The following PRKDC variants were observed in gnomAD, a reference collection of about 807,000 sequenced individuals.
PRKDC encodes DNA-dependent protein kinase catalytic subunit.
Under a neutral mutation model 486.9 loss-of-function variants are expected in PRKDC, and 82 were observed. That is an observed-to-expected ratio of 0.17 (90% confidence interval 0.14 to 0.20). The LOEUF (loss-of-function observed/expected upper bound fraction) is 0.20, where lower values mean the gene tolerates loss of function less well. Among genes scored for constraint, PRKDC ranks in the 10% least tolerant of loss-of-function variants. PRKDC has a pLI of 1.00. For missense variants in PRKDC, 4,504 were observed against 5,038.2 expected, an observed-to-expected ratio of 0.89 and a Z score of 3.21; for synonymous variants, 1,895 against 1,837.0, an observed-to-expected ratio of 1.03 and a Z score of -0.81.
At chr8:47,878,501 C>T (rs549889440) in intron 39 of PRKDC, among the ~76,000 whole-genome samples, 1 of 152,220 alleles carries the variant, frequency 6.6e-6, no homozygotes, top group East Asian at 1.9e-4. Context: ...CCTCCTTCAC[C>T]ATGCCAGGGA....
chr8:47,825,930 C>G (rs908715673), intron 63 of PRKDC, among the ~76,000 whole-genome samples: 1 of 152,198 alleles, frequency 6.6e-6, no homozygotes, highest in Non-Finnish European at 1.5e-5. Context: ...TGATCAATGT[C>G]TAATCCAATT....
intron 21 of PRKDC, 41 bp downstream of exon 21, chr8:47,927,153 A>G (rs772270471): frequency 6.3e-7 from 1 of 1,585,430 alleles, no homozygotes; most frequent in Non-Finnish European, 8.6e-7. Flanking sequence ...CTCCATTTCC[A>G]TTTTAATTAC....
At chr8:47,955,607 TG>T (rs1217628078) in intron 4 of PRKDC, among the ~76,000 whole-genome samples, 5 of 152,072 alleles carry the variant, frequency 3.3e-5, no homozygotes, top group African/African-American at 1.2e-4. Flanking sequence ...GGGTGATAAA[TG>T]AAAGAGCAAT....
chr8:47,939,711 A>G lies in PRKDC; in HGVS notation c.967-14T>C, dbSNP rs1393045839. 6.4e-7 allele frequency: 1 copy of G among 1,558,314 alleles called. No homozygotes were observed. Among genetic ancestry groups the G allele is most frequent in the East Asian group, 2.3e-5 (1 of 44,210 alleles). On this transcript the variant is annotated splice_polypyrimidine_tract_variant and intron_variant, in intron 10 of 85. Transcript: ENST00000314191. ...CATATTAGAAACCTGCAAATACATA[A>G]TATTTATTTTTTTGGAAATATTTAA... is the stretch of plus-strand genomic sequence containing the variant.
rs2086567739 is a variant in PRKDC, at chr8:47,774,324, G to A, written c.12236C>T (p.Ala4079Val). Reference sequence around the variant, plus strand: ...GTGATCTTTGCTTCCTCGTGCCACAGCCACATAGTCTCTGAAGGCAGGGGC... The same window carrying A: ...GTGATCTTTGCTTCCTCGTGCCACAACCACATAGTCTCTGAAGGCAGGGGC... ...EKAPAFRDYV[A>V]VARGSKDHNI... is the part of the protein sequence containing the mutation. The change falls in exon 86 of 86, where the codon GCT becomes GTT. Residue 4079 changes from alanine to valine, a missense_variant. Ala to Val is a moderately conservative substitution (Grantham distance 64). Transcript: ENST00000314191. 8 of 1,613,544 alleles carry A rather than the reference G, an allele frequency of 5.0e-6. No individual in the cohort carries two copies. The highest frequency in any genetic ancestry group is 6.8e-6 in the Non-Finnish European group (8 of 1,179,810).
Position 47,861,580 on chromosome 8 carries a change from A to G in PRKDC, c.5985+482T>C, listed in dbSNP as rs537179729. ...CTCTCTGCCCACCTTCCCATTTCCA[A>G]TGGGTGCTGAAGGCAGCAACCACCA... On this transcript the variant is annotated intron_variant, in intron 44 of 85. Coordinates refer to ENST00000314191, the MANE Select transcript of PRKDC (RefSeq NM_006904.7). 8.1e-3 allele frequency among the ~76,000 whole-genome samples: 1,238 copies of G among 152,240 alleles called. 8 individuals carry two copies. The highest frequency in any genetic ancestry group is 0.024 in the Middle Eastern group (7 of 294).
At chr8:47,904,670 G>C (rs2089741704) in intron 26 of PRKDC, among the ~76,000 whole-genome samples, 199 bp downstream of exon 26, 1 of 152,180 alleles carries the variant, frequency 6.6e-6, no homozygotes, top group East Asian at 1.9e-4. Flanking sequence ...GTGTGCACCT[G>C]TAGTCCCAGC....
intron 21 of PRKDC, among the ~76,000 whole-genome samples, chr8:47,925,508 A>G (rs989742740): frequency 6.6e-6 from 1 of 151,906 alleles, no homozygotes; most frequent in Admixed American, 6.5e-5. Context: ...AAAGTAACAC[A>G]TGATCCTACA....
chr8:47,951,272 A>C (rs2090620393), intron 7 of PRKDC, among the ~76,000 whole-genome samples: 1 of 152,040 alleles, frequency 6.6e-6, no homozygotes, highest in South Asian at 2.1e-4. Context: ...AGGTAGGAGG[A>C]TCACTTGAGC....
chr8:47,785,236 T>A lies in PRKDC; in HGVS notation c.10984A>T (p.Ile3662Phe), dbSNP rs781350414. Residue 3662 changes from isoleucine (I) to phenylalanine (F), a missense_variant, in exon 77 of 86, where the codon ATT becomes TTT. Transcript: ENST00000314191. ...ATTTTTAAAAGTAGCATGTTGGTAA[T>A]GTCGTTGAAGTCACTGAGCTTCATT... ...LRMKLSDFNDITNMLLLKMNK... is the reference protein window; with the variant it reads ...LRMKLSDFNDFTNMLLLKMNK... The A allele has an allele frequency of 1.2e-6, 2 of 1,613,766 alleles. No homozygotes were observed. Among genetic ancestry groups the A allele is most frequent in the African/African-American group, 2.7e-5 (2 of 74,936 alleles).
At chr8:47,833,046 A>G (rs2087925427) in intron 59 of PRKDC, among the ~76,000 whole-genome samples, 1 of 152,180 alleles carries the variant, frequency 6.6e-6, no homozygotes, top group Non-Finnish European at 1.5e-5. Flanking sequence ...AAGCCATCAG[A>G]TCCCAGAGAA....
rs749948848 is a variant in PRKDC at position 47,817,496 on chromosome 8, C to T, written c.9511G>A (p.Ala3171Thr). 4 of 1,608,198 alleles carry T rather than the reference C, an allele frequency of 2.5e-6. No individual in the cohort carries two copies. In the Admixed American group the frequency reaches 6.8e-5, roughly 27 times the overall value. ...LNTWTNRYPD[A>T]KMDPMNIWDD... ...CAGATGTTCATTGGGTCCATTTTAG[C>T]ATCTGGATATCTGTTTGTCCAGGTG... is the stretch of plus-strand genomic sequence containing the variant. Residue 3171 changes from alanine to threonine, a missense_variant, in exon 68 of 86, where the codon GCT becomes ACT. Ala to Thr is a moderately conservative substitution (Grantham distance 58). Coordinates refer to ENST00000314191, the MANE Select transcript of PRKDC (RefSeq NM_006904.7).
At chr8:47,919,173 A>T (rs2090034981) in intron 21 of PRKDC, among the ~76,000 whole-genome samples, 1 of 152,204 alleles carries the variant, frequency 6.6e-6, no homozygotes, top group South Asian at 2.1e-4. Context: ...CGAGTTCAGC[A>T]TTCACCTAAG....
chr8:47,857,332 A>T (rs779268330), intron 48 of PRKDC, 33 bp from the exon 49 acceptor site: 1 of 1,579,884 alleles, frequency 6.3e-7, no homozygotes, highest in East Asian at 2.2e-5. Context: ...AACATCAAAG[A>T]ATGGTCTTAA....
chr8:47,836,078 A>C (rs1034361473), intron 58 of PRKDC, among the ~76,000 whole-genome samples: 8 of 152,276 alleles, frequency 5.3e-5, no homozygotes, highest in Middle Eastern at 3.4e-3. Context: ...TTCCTCTTGC[A>C]AAACTGAAAT....
chr8:47,863,564 G>A lies in PRKDC; in HGVS notation c.5585C>T (p.Thr1862Ile). 1 of 1,610,412 alleles carries A rather than the reference G, an allele frequency of 6.2e-7. No individual in the cohort carries two copies. The highest frequency in any genetic ancestry group is 8.5e-7 in the Non-Finnish European group (1 of 1,178,080). ...CTTCTTGGTGATTTGAGTATCAAAGGTAGATTCATTTAGCTTCAAAAAGGT... is the reference window on the plus strand; with the variant it reads ...CTTCTTGGTGATTTGAGTATCAAAGATAGATTCATTTAGCTTCAAAAAGGT... ...KSRFTKLNES[T>I]FDTQITKKMG... Residue 1862 changes from threonine (T) to isoleucine (I), a missense_variant, in exon 42 of 86, where the codon ACC becomes ATC. Thr to Ile is a moderately conservative substitution (Grantham distance 89, BLOSUM62 -1). Coordinates refer to ENST00000314191, the MANE Select transcript of PRKDC (RefSeq NM_006904.7).
Position 47,826,666 on chromosome 8 carries a change from C to T in PRKDC, c.8773G>A (p.Glu2925Lys). Reference protein sequence around the residue: ...RLPPDVLRWVELAKLYRSIGE... With the variant: ...RLPPDVLRWVKLAKLYRSIGE... Reference sequence around the variant, plus strand: ...TGACCTCACACTTACTTAGCAAGCTCCACCCATCTGAGGACATCAGGAGGG... The same window carrying T: ...TGACCTCACACTTACTTAGCAAGCTTCACCCATCTGAGGACATCAGGAGGG... The change falls in exon 63 of 86, where the codon GAG (glutamate) becomes AAG (lysine). Residue 2925 changes from glutamate (E) to lysine (K), a missense_variant. Physicochemically the swap from Glu to Lys is moderately conservative, Grantham distance 56. Coordinates refer to ENST00000314191, the MANE Select transcript of PRKDC (RefSeq NM_006904.7). 6.2e-7 allele frequency: 1 copy of T among 1,609,776 alleles called. No homozygotes were observed. Among genetic ancestry groups the T allele is most frequent in the Non-Finnish European group, 8.5e-7 (1 of 1,177,554 alleles).
intron 7 of PRKDC, among the ~76,000 whole-genome samples, chr8:47,949,095 G>A (rs764524461): frequency 6.6e-6 from 1 of 152,174 alleles, no homozygotes; most frequent in Non-Finnish European, 1.5e-5. Flanking sequence ...AGCCTCCAGA[G>A]GCACCCCCAT....
At chr8:47,784,862 A>T (rs894457478) in intron 77 of PRKDC, among the ~76,000 whole-genome samples, 1 of 152,216 alleles carries the variant, frequency 6.6e-6, no homozygotes, top group Non-Finnish European at 1.5e-5. Context: ...TACCATTATT[A>T]CCAAATGAAA....
Sources: gnomAD v4.1 joint callset for allele counts (sites outside exome capture counted in the v4.1 genomes callset) on GRCh38, gnomAD v4.1.1 for gene constraint, MANE v1.5 for transcripts, NCBI Gene and HGNC (gene_info 2026-07-23, HGNC 2026-07-21) for gene names.